ELP2: variants seen among roughly 807,000 people sequenced by gnomAD.
ELP2 encodes the protein elongator acetyltransferase complex subunit 2.
Under a neutral mutation model 119.2 loss-of-function variants are expected in ELP2, and 90 were observed. The observed-to-expected ratio is 0.75, with a 90% confidence interval of 0.64 to 0.90. The LOEUF (loss-of-function observed/expected upper bound fraction) is 0.90. Ranked by LOEUF, ELP2 falls within the 40% of genes least tolerant of loss-of-function variation. ELP2 has a pLI of 0.00. For missense variants in ELP2, 921 were observed against 967.8 expected, an observed-to-expected ratio of 0.95 and a Z score of 0.64; for synonymous variants, 339 against 331.0, an observed-to-expected ratio of 1.02 and a Z score of -0.26.
Position 36,159,718 on chromosome 18 carries a change from G to A in ELP2, c.1535-17G>A, listed in dbSNP as rs768546184. On this transcript the variant is annotated splice_polypyrimidine_tract_variant and intron_variant, in intron 14 of 21. Coordinates refer to ENST00000358232, the MANE Select transcript of ELP2 (RefSeq NM_018255.4). ...TAAAAATAGTGACTATATTCTTGAT[G>A]TGTTTCTTCAAACTAGGAGATATAG... 2 of 1,570,656 alleles carry A rather than the reference G, an allele frequency of 1.3e-6. No individual in the cohort carries two copies. The highest frequency in any genetic ancestry group is 2.7e-5 in the African/African-American group (2 of 74,146).
Position 36,179,382 on chromosome 18 carries a change from A to G in ELP2, c.*4741A>G, listed in dbSNP as rs1598860960. 1.4e-5 allele frequency: 2 copies of G among 148,088 alleles called. 1 individual carries two copies. The highest frequency in any genetic ancestry group is 4.4e-4 in the South Asian group (2 of 4,536). 9.2% of individuals were successfully genotyped at this position (148,088 alleles called of 1,614,324 possible). On this transcript the variant is annotated 3_prime_UTR_variant, in exon 22 of 22. Coordinates refer to ENST00000358232, the MANE Select transcript of ELP2 (RefSeq NM_018255.4). ...CAGATGTTCCAGAGGCTGAGGCAGG[A>G]GAACCGCTTGAACCCAGGAGGAGGA...
Position 36,178,632 on chromosome 18 carries a change from T to C in ELP2, c.*3991T>C, listed in dbSNP as rs1057271152. 3 of 151,588 alleles carry C rather than the reference T, an allele frequency of 2.0e-5. No homozygotes were observed. The highest frequency in any genetic ancestry group is 7.3e-5 in the African/African-American group (3 of 41,268). 9.4% of individuals were successfully genotyped at this position (151,588 alleles called of 1,614,324 possible). A position where few individuals can be genotyped will look rare whatever the true frequency, so the allele number is the denominator to read the frequency against. On this transcript the variant is annotated 3_prime_UTR_variant, in exon 22 of 22. Transcript: ENST00000358232. The stretch of plus-strand genomic sequence containing the variant: ...GGGCTATGGTTATGATTGGTTTTGT[T>C]TTTTTTTTCTCTAGAGACTGGGTTT...
chr18:36,173,919 T>A (rs1203603240), intron 21 of ELP2, among the ~76,000 whole-genome samples: 1 of 151,878 alleles, frequency 6.6e-6, no homozygotes, highest in Non-Finnish European at 1.5e-5. Flanking sequence ...AGGTAGGGGG[T>A]AGGGAGCATT....
intron 11 of ELP2, among the ~76,000 whole-genome samples, chr18:36,148,021 G>A (rs10153377): frequency 1.3e-5 from 2 of 151,314 alleles, no homozygotes; most frequent in Admixed American, 1.3e-4. Flanking sequence ...GAACTGTGTC[G>A]TCTTTGGTTT....
At chr18:36,161,107 AC>A in intron 17 of ELP2, 103 bp downstream of exon 17, 1 of 810,238 alleles carries the variant, frequency 1.2e-6, no homozygotes, top group East Asian at 2.4e-5. Flanking sequence ...GTGAAAGGCC[AC>A]TAGTGCTTGG....
chr18:36,130,034 T>A lies in ELP2; in HGVS notation c.101T>A (p.Phe34Tyr). The part of the protein sequence containing the change: ...WSSGPRGLLA[F>Y]GTSCSVVLYD... Reference sequence around the variant, plus strand: ...TCTGGGCCCAGAGGACTTCTGGCCTTTGGCACGTCCTGCTCCGTGGTGCTC... The same window carrying A: ...TCTGGGCCCAGAGGACTTCTGGCCTATGGCACGTCCTGCTCCGTGGTGCTC... The change falls in exon 1 of 22, where the codon TTT becomes TAT. Residue 34 changes from phenylalanine (F) to tyrosine (Y), a missense_variant. Phe to Tyr is a conservative substitution (Grantham distance 22, BLOSUM62 3). Coordinates refer to ENST00000358232, the MANE Select transcript of ELP2 (RefSeq NM_018255.4). The A allele has an allele frequency of 6.2e-7, 1 of 1,614,168 alleles. No individual in the cohort carries two copies. The highest frequency in any genetic ancestry group is 1.7e-5 in the Admixed American group (1 of 60,028).
chr18:36,170,342 C>A, intron 20 of ELP2, 146 bp downstream of exon 20: 14 of 975,576 alleles, frequency 1.4e-5, no homozygotes, highest in Non-Finnish European at 2.1e-5. Context: ...GATGGAGTCT[C>A]ACTCTGTCGC....
intron 5 of ELP2, chr18:36,139,473 C>T (rs2089946833): frequency 1.3e-6 from 2 of 1,535,722 alleles, no homozygotes; most frequent in South Asian, 2.4e-5. Flanking sequence ...CCACCAGCCT[C>T]TCTCGCCCTC....
In ELP2 at chr18:36,130,015, C is replaced by T; in HGVS notation, c.82C>T (p.Pro28Ser). The T allele has an allele frequency of 6.2e-7, 1 of 1,614,156 alleles. No homozygotes were observed. Among genetic ancestry groups the T allele is most frequent in the East Asian group, 2.2e-5 (1 of 44,874 alleles). ...VRGVLNWSSG[P>S]RGLLAFGTSC... Reference sequence around the variant, plus strand: ...GGGAGTCCTGAACTGGAGCTCTGGGCCCAGAGGACTTCTGGCCTTTGGCAC... The same window carrying T: ...GGGAGTCCTGAACTGGAGCTCTGGGTCCAGAGGACTTCTGGCCTTTGGCAC... Residue 28 changes from proline to serine, a missense_variant, in exon 1 of 22, where the codon CCC becomes TCC. By Grantham distance (74) the Pro-to-Ser change is moderately conservative. Transcript: ENST00000358232.
intron 1 of ELP2, among the ~76,000 whole-genome samples, chr18:36,130,681 C>T (rs1178828349): frequency 6.6e-6 from 1 of 152,170 alleles, no homozygotes; most frequent in East Asian, 1.9e-4. Context: ...CACCATATTT[C>T]TCAAGTGAAT....
intron 11 of ELP2, among the ~76,000 whole-genome samples, chr18:36,150,739 G>A (rs1381716741): frequency 1.3e-5 from 2 of 152,184 alleles, no homozygotes; most frequent in African/African-American, 2.4e-5. Flanking sequence ...TTGAAGGTCA[G>A]ATTTACATGC....
chr18:36,141,216 A>G lies in ELP2; in HGVS notation c.588+15A>G. On this transcript the variant is annotated intron_variant, in intron 6 of 21. Transcript: ENST00000358232. ...AAAATGATCAGGTAATAATGTTTAT[A>G]TTAAGAGGCTGGAATTATATTCTGC... 1 of 1,589,192 alleles carries G rather than the reference A, an allele frequency of 6.3e-7. No individual in the cohort carries two copies.
Position 36,174,515 on chromosome 18 carries a change from A to G in ELP2, c.2355A>G (p.Leu785=), listed in dbSNP as rs772615004. ...GTCATACACTGGCTATCAGAAAATT[A>G]TGCTGGAAGAATTGCAGTGGAAAAA... The part of the protein sequence containing the change: ...SQSHTLAIRK[L]CWKNCSGKTE... Residue 785 remains leucine (L), a synonymous_variant, in exon 22 of 22, where the codon TTA becomes TTG. Transcript: ENST00000358232. The G allele has an allele frequency of 6.2e-7, 1 of 1,614,138 alleles. No individual in the cohort carries two copies. The highest frequency in any genetic ancestry group is 8.5e-7 in the Non-Finnish European group (1 of 1,180,010).
chr18:36,138,088 G>T (rs913374254), intron 3 of ELP2, 182 bp from the exon 4 acceptor site: 1 of 590,684 alleles, frequency 1.7e-6, no homozygotes, highest in Non-Finnish European at 3.0e-6. Context: ...TGAGATTGCT[G>T]TGTCACAGGG....
intron 1 of ELP2, among the ~76,000 whole-genome samples, chr18:36,130,389 C>T (rs2089564852): frequency 6.6e-6 from 1 of 152,224 alleles, no homozygotes; most frequent in South Asian, 2.1e-4. Context: ...TACCGTTAAT[C>T]AATTTGGGTT....
intron 8 of ELP2, among the ~76,000 whole-genome samples, chr18:36,143,503 C>A (rs989195172): frequency 6.8e-6 from 1 of 147,970 alleles, no homozygotes; most frequent in Non-Finnish European, 1.5e-5. Context: ...GCCTTGAACT[C>A]CTTGGCTCAA....
At chr18:36,146,128 C>T (rs1413962029) in intron 10 of ELP2, 80 bp downstream of exon 10, 12 of 1,563,566 alleles carry the variant, frequency 7.7e-6, no homozygotes, top group Non-Finnish European at 9.7e-6. Flanking sequence ...ATTGATAGAC[C>T]TGCAAATTTT....
chr18:36,174,066 G>A (rs547948685), intron 21 of ELP2, among the ~76,000 whole-genome samples: 29 of 152,100 alleles, frequency 1.9e-4, no homozygotes, highest in African/African-American at 6.5e-4. Context: ...CACCTCACAG[G>A]GATGTCAAAA....
Position 36,138,776 on chromosome 18 carries a change from G to GT in ELP2, c.446-13dup. 2 of 1,604,068 alleles carry GT rather than the reference G, an allele frequency of 1.2e-6. No homozygotes were observed. The highest frequency in any genetic ancestry group is 2.2e-5 in the East Asian group (1 of 44,798). The stretch of plus-strand genomic sequence containing the variant: ...TCTGAGGTAGTTAGTTGTTCATTGT[G>GT]TTTTTTATTATTTCTTAGTAATGTG... On this transcript the variant is annotated intron_variant, in intron 4 of 21. Coordinates refer to ENST00000358232, the MANE Select transcript of ELP2 (RefSeq NM_018255.4).
Sources: gnomAD v4.1 joint callset for allele counts (sites outside exome capture counted in the v4.1 genomes callset) on GRCh38, gnomAD v4.1.1 for gene constraint, MANE v1.5 for transcripts, NCBI Gene and HGNC (gene_info 2026-07-23, HGNC 2026-07-21) for gene names.